Variants in INPP5F observed in about 807,000 individuals in gnomAD.
INPP5F encodes phosphatidylinositide 4-phosphatase SAC2.
A neutral mutation model predicts 137.2 loss-of-function variants in INPP5F; 97 were observed. The ratio of observed to expected loss-of-function variants is 0.71; its 90% CI spans 0.60 to 0.84. INPP5F has a LOEUF of 0.84. Among genes scored for constraint, INPP5F ranks in the 40% least tolerant of loss-of-function variants. The pLI, the probability that INPP5F is intolerant of heterozygous loss-of-function variation, is 0.00. For missense variants in INPP5F, 1,271 were observed against 1,371.9 expected (o/e 0.93, Z 1.16); for synonymous variants, 504 against 476.9 (o/e 1.06, Z -0.74).
chr10:119,782,892 A>G (rs1306011619), intron 3 of INPP5F, among the ~76,000 whole-genome samples: 3 of 152,140 alleles, frequency 2.0e-5, no homozygotes. Flanking sequence ...CTTGGGGAGG[A>G]ACTTTGGGGA....
chr10:119,781,246 A>G (rs777683075), intron 2 of INPP5F, among the ~76,000 whole-genome samples: 12 of 152,222 alleles, frequency 7.9e-5, no homozygotes, highest in Admixed American at 2.0e-4. Context: ...ATTAAAGGTA[A>G]GTGCATTTGT....
At chr10:119,790,433 T>C (rs1850101065) in intron 3 of INPP5F, among the ~76,000 whole-genome samples, 2 of 152,296 alleles carry the variant, frequency 1.3e-5, no homozygotes, top group East Asian at 3.9e-4. Flanking sequence ...GTGAAACCTG[T>C]GTGGACAGTT....
At chr10:119,819,451 T>A in intron 15 of INPP5F, 1 of 1,562,966 alleles carries the variant, frequency 6.4e-7, no homozygotes, top group South Asian at 1.2e-5. Flanking sequence ...AAAGTAACAC[T>A]GTAATTAGTA....
rs374141329 is a variant in INPP5F, at chr10:119,798,786, C to CTTT, written c.1116+199_1116+201dup. On this transcript the variant is annotated intron_variant, in intron 9 of 19. Coordinates refer to ENST00000650623, the MANE Select transcript of INPP5F (RefSeq NM_014937.4). Reference sequence around the variant, plus strand: ...TTAAGAATAATCATTGAGTCAGCTACTTTTTTTTTTTTTTTTTTTTTTTTT... The same window carrying CTTT: ...TTAAGAATAATCATTGAGTCAGCTACTTTTTTTTTTTTTTTTTTTTTTTTTTTT... Among the ~76,000 whole-genome samples the CTTT allele has an allele frequency of 3.0e-4, 30 of 100,700 alleles. No homozygotes were observed. The South Asian group carries it at 3.3e-3, about 11-fold the overall frequency. 66.1% of individuals were successfully genotyped at this position (100,700 alleles called of 152,430 possible). A position where few individuals can be genotyped will look rare whatever the true frequency, so the allele number is the denominator to read the frequency against.
intron 12 of INPP5F, among the ~76,000 whole-genome samples, 163 bp downstream of exon 12, chr10:119,806,643 C>T (rs1280711985): frequency 1.3e-5 from 2 of 152,102 alleles, no homozygotes; most frequent in African/African-American, 4.8e-5. Context: ...ACAACCTGCA[C>T]TGAAAATCAG....
chr10:119,780,746 T>G (rs61867908), intron 2 of INPP5F, among the ~76,000 whole-genome samples: 6,304 of 152,336 alleles, frequency 0.041, 229 homozygotes, highest in South Asian at 0.21. Flanking sequence ...CTTTTCTTTC[T>G]CATCATTATT....
chr10:119,796,195 G>A (rs914397139), intron 6 of INPP5F, among the ~76,000 whole-genome samples: 1 of 152,060 alleles, frequency 6.6e-6, no homozygotes, highest in Non-Finnish European at 1.5e-5. Context: ...TTAGCTTCAG[G>A]AATTGAGACT....
Position 119,824,309 on chromosome 10 carries a change from A to C in INPP5F, c.2249+407A>C, listed in dbSNP as rs765342243. On this transcript the variant is annotated intron_variant, in intron 19 of 19. Transcript: ENST00000650623. ...GATCCAGTCTGGGATTCCACACTGC[A>C]TTTAGTTGTCTCTGTAGTTTAATGT... 5.3e-5 allele frequency among the ~76,000 whole-genome samples: 8 copies of C among 152,168 alleles called. No individual in the cohort carries two copies. The East Asian group carries it at 1.5e-3, about 29-fold the overall frequency.
At chr10:119,744,027 G>A (rs1848454374) in intron 1 of INPP5F, among the ~76,000 whole-genome samples, 1 of 152,156 alleles carries the variant, frequency 6.6e-6, no homozygotes, top group South Asian at 2.1e-4. Context: ...AGTACGTAGA[G>A]GGGTTGAACA....
chr10:119,822,184 G>T (rs1851595234), intron 16 of INPP5F, among the ~76,000 whole-genome samples: 1 of 151,980 alleles, frequency 6.6e-6, no homozygotes, highest in Non-Finnish European at 1.5e-5. Flanking sequence ...CACCACGCCT[G>T]GCCGTAGTTG....
At chr10:119,746,224 T>G (rs1848528449) in intron 1 of INPP5F, among the ~76,000 whole-genome samples, 1 of 152,210 alleles carries the variant, frequency 6.6e-6, no homozygotes, top group Non-Finnish European at 1.5e-5. Context: ...ATCTTGTACT[T>G]TTTTGTCTGC....
chr10:119,808,627 T>A lies in INPP5F; in HGVS notation c.1569+567T>A, dbSNP rs147790916. On this transcript the variant is annotated intron_variant, in intron 13 of 19. Coordinates refer to ENST00000650623, the MANE Select transcript of INPP5F (RefSeq NM_014937.4). The stretch of plus-strand genomic sequence containing the variant: ...TGCGGAAGAAATGTTTTAGTTACTG[T>A]TAAAAGTAAAGTCCTTTGAAGATCC... Among the ~76,000 whole-genome samples the A allele has an allele frequency of 2.5e-3, 387 of 152,344 alleles. 1 individual carries two copies. The highest frequency in any genetic ancestry group is 4.6e-3 in the South Asian group (22 of 4,828).
intron 1 of INPP5F, 36 bp downstream of exon 1, chr10:119,726,395 C>A (rs530126218): frequency 2.5e-6 from 3 of 1,218,520 alleles, no homozygotes; most frequent in African/African-American, 3.2e-5. Flanking sequence ...GCACCCCGGG[C>A]CAGGGCGGGG....
intron 1 of INPP5F, among the ~76,000 whole-genome samples, chr10:119,735,441 A>C (rs564812667): frequency 6.6e-6 from 1 of 152,230 alleles, no homozygotes; most frequent in South Asian, 2.1e-4. Context: ...CAATTTCTGC[A>C]ATGTCAATAT....
At chr10:119,821,185 T>G (rs1414372021) in intron 16 of INPP5F, among the ~76,000 whole-genome samples, 3 of 152,238 alleles carry the variant, frequency 2.0e-5, no homozygotes, top group African/African-American at 7.2e-5. Flanking sequence ...CCTATATATT[T>G]CCCAGGTTTT....
At chr10:119,775,779 T>A (rs1217781927) in intron 2 of INPP5F, among the ~76,000 whole-genome samples, 1 of 152,148 alleles carries the variant, frequency 6.6e-6, no homozygotes, top group Non-Finnish European at 1.5e-5. Flanking sequence ...TTTATGTATG[T>A]TTGAAGATGT....
rs1320787063 is a variant in INPP5F at position 119,771,866 on chromosome 10, ATATATATATATATATATTTTTTTTTT to A, written c.179-9767_179-9742del. Among the ~76,000 whole-genome samples the A allele has an allele frequency of 2.2e-3, 37 of 16,600 alleles. 2 individuals are homozygous for A. In the South Asian group the frequency reaches 0.034, roughly 15 times the overall value. The allele number at this position is 16,600 out of a possible 152,430, so 10.9% of individuals were successfully genotyped here. ...TGGAGATATATATATATATATATAT[ATATATATATATATATATTTTTTTTTT>A]TTTTTTTTTTTTTTTTTTTTTGAGA... On this transcript the variant is annotated intron_variant, in intron 2 of 19. Transcript: ENST00000650623.
intron 2 of INPP5F, among the ~76,000 whole-genome samples, chr10:119,765,035 C>T (rs891516844): frequency 6.6e-6 from 1 of 152,126 alleles, no homozygotes; most frequent in East Asian, 1.9e-4. Flanking sequence ...TGGATTCAAG[C>T]GATTCTCCTG....
intron 1 of INPP5F, among the ~76,000 whole-genome samples, chr10:119,749,479 T>C (rs993031775): frequency 4.6e-5 from 7 of 152,212 alleles, no homozygotes; most frequent in Non-Finnish European, 1.0e-4. Flanking sequence ...GGTGATGATT[T>C]TTTTTCTTTG....
Sources: allele counts gnomAD v4.1 joint callset (sites outside exome capture counted in the v4.1 genomes callset), GRCh38; gene constraint gnomAD v4.1.1; transcripts MANE v1.5; gene names NCBI Gene and HGNC (gene_info 2026-07-23, HGNC 2026-07-21).